The following PTPRD variants were observed in gnomAD, a reference collection of about 807,000 sequenced individuals.
PTPRD encodes the protein protein tyrosine phosphatase receptor type D, also known as receptor-type tyrosine-protein phosphatase delta.
In PTPRD, 34 loss-of-function variants were observed where a neutral mutation model predicts 214.5. That is an observed-to-expected ratio of 0.16 (90% CI 0.12 to 0.21). The LOEUF is 0.21. Among genes scored for constraint, PTPRD ranks in the 10% least tolerant of loss-of-function variants. PTPRD has a pLI of 1.00. For synonymous variants in PTPRD, 1,128 were observed against 845.7 expected, an observed-to-expected ratio of 1.33 and a Z score of -5.79; for missense variants, 2,545 against 2,398.7, an observed-to-expected ratio of 1.06 and a Z score of -1.27.
At chr9:8,330,938 G>C (rs1839960967) in intron 44 of PTPRD, among the ~76,000 whole-genome samples, 1 of 151,840 alleles carries the variant, frequency 6.6e-6, no homozygotes, top group African/African-American at 2.4e-5. Context: ...TTTGTTAGAA[G>C]GTTTTTGCAT....
chr9:9,798,752 G>GCTACTTTTTACTTCATAAAT (rs2099020061), intron 5 of PTPRD, among the ~76,000 whole-genome samples: 2 of 152,146 alleles, frequency 1.3e-5, no homozygotes, highest in South Asian at 4.1e-4. Context: ...TGCTGAGAGC[G>GCTACTTTTTACTTCATAAAT]CAGGTAAAAT....
chr9:8,999,236 T>C (rs2099408428), intron 11 of PTPRD, among the ~76,000 whole-genome samples: 1 of 152,020 alleles, frequency 6.6e-6, no homozygotes, highest in Non-Finnish European at 1.5e-5. Context: ...AGAGAAATCT[T>C]TCATGAAAGG....
intron 5 of PTPRD, among the ~76,000 whole-genome samples, chr9:9,828,825 T>A (rs772332393): frequency 1.3e-5 from 2 of 151,882 alleles, no homozygotes; most frequent in Non-Finnish European, 2.9e-5. Context: ...ATTAAAAGCA[T>A]TTCATGCTAG....
At chr9:9,852,900 T>C (rs973917) in intron 5 of PTPRD, among the ~76,000 whole-genome samples, 39,925 of 152,084 alleles carry the variant, frequency 0.26, 6,409 homozygotes, top group East Asian at 0.81. Flanking sequence ...GTAGGGGCTC[T>C]TGATCTGTGC....
At chr9:8,840,015 CTA>C (rs2154533884) in intron 11 of PTPRD, among the ~76,000 whole-genome samples, 1 of 152,280 alleles carries the variant, frequency 6.6e-6, no homozygotes, top group South Asian at 2.1e-4. Flanking sequence ...AGCAAAAGGA[CTA>C]TAAGCAACAT....
At chr9:9,524,689 T>C (rs899198501) in intron 8 of PTPRD, among the ~76,000 whole-genome samples, 4 of 152,224 alleles carry the variant, frequency 2.6e-5, no homozygotes, top group African/African-American at 9.6e-5. Context: ...ATTTTGTCTT[T>C]ATTGATCCTG....
rs143423756 is a variant in PTPRD at position 9,942,542 on chromosome 9, T to C, written c.-471-3932A>G. 8.9e-3 allele frequency among the ~76,000 whole-genome samples: 1,362 copies of C among 152,236 alleles called. 12 individuals are homozygous for C. Among genetic ancestry groups the C allele is most frequent in the Middle Eastern group, 0.037 (11 of 294 alleles). Reference sequence around the variant, plus strand: ...GTAGGAAGGTCAAGGGGCAAATGAATCTGTAACTATCAGATATAGTGCCCA... The same window carrying C: ...GTAGGAAGGTCAAGGGGCAAATGAACCTGTAACTATCAGATATAGTGCCCA... On this transcript the variant is annotated intron_variant, in intron 4 of 45. Coordinates refer to ENST00000381196, the MANE Select transcript of PTPRD (RefSeq NM_002839.4).
chr9:10,470,945 T>C (rs772775560), intron 2 of PTPRD, among the ~76,000 whole-genome samples: 20 of 152,108 alleles, frequency 1.3e-4, no homozygotes, highest in Non-Finnish European at 2.5e-4. Flanking sequence ...GTGGCACATA[T>C]ACAAGATGGA....
chr9:8,504,166 C>G (rs1418007153), intron 23 of PTPRD, 95 bp downstream of exon 23: 1 of 1,238,136 alleles, frequency 8.1e-7, no homozygotes, highest in Admixed American at 1.8e-5. Context: ...AACTATTAAG[C>G]ATATTAGCAG....
At chr9:10,057,872 G>C (rs2048280) in intron 3 of PTPRD, among the ~76,000 whole-genome samples, 31,943 of 149,860 alleles carry the variant, frequency 0.21, 3,928 homozygotes, top group East Asian at 0.52. Flanking sequence ...CAAAAAAAAA[G>C]TGAGTAGTGG....
intron 11 of PTPRD, among the ~76,000 whole-genome samples, chr9:9,008,495 G>A (rs936803518): frequency 6.6e-6 from 1 of 151,882 alleles, no homozygotes; most frequent in South Asian, 2.1e-4. Flanking sequence ...CAAAGTCCTG[G>A]GATTACAGGC....
chr9:10,271,534 C>CT (rs1251429330), intron 3 of PTPRD, among the ~76,000 whole-genome samples: 23 of 86,562 alleles, frequency 2.7e-4, no homozygotes, highest in South Asian at 7.8e-4. Flanking sequence ...TCAATTGTTT[C>CT]TTTTCTTTTC....
chr9:8,671,716 A>G (rs977221555), intron 12 of PTPRD, among the ~76,000 whole-genome samples: 1 of 152,180 alleles, frequency 6.6e-6, no homozygotes, highest in Non-Finnish European at 1.5e-5. Context: ...ATTATTTTTT[A>G]CACACCTATT....
At chr9:10,047,423 T>C (rs929681507) in intron 3 of PTPRD, among the ~76,000 whole-genome samples, 8 of 151,884 alleles carry the variant, frequency 5.3e-5, no homozygotes, top group Non-Finnish European at 8.8e-5. Context: ...TTGTTAGATA[T>C]ATGTTACAAT....
At chr9:9,756,279 C>G (rs1289910966) in intron 6 of PTPRD, among the ~76,000 whole-genome samples, 1 of 152,100 alleles carries the variant, frequency 6.6e-6, no homozygotes, top group Non-Finnish European at 1.5e-5. Flanking sequence ...TATGGTTTCT[C>G]TCTCAGTATT....
chr9:10,454,293 C>G (rs1280689033), intron 2 of PTPRD, among the ~76,000 whole-genome samples: 1 of 151,608 alleles, frequency 6.6e-6, no homozygotes, highest in Non-Finnish European at 1.5e-5. Context: ...AACTACCCTT[C>G]TCTATTCCTC....
At chr9:10,246,513 G>C (rs547481177) in intron 3 of PTPRD, among the ~76,000 whole-genome samples, 80 of 152,238 alleles carry the variant, frequency 5.3e-4, no homozygotes, top group Middle Eastern at 3.4e-3. Context: ...CAAAGTCCTG[G>C]GGGTGCGGTG....
At chr9:8,581,933 A>G (rs2093177699) in intron 14 of PTPRD, among the ~76,000 whole-genome samples, 1 of 147,144 alleles carries the variant, frequency 6.8e-6, no homozygotes, top group Non-Finnish European at 1.5e-5. Flanking sequence ...AAAAAAAAAA[A>G]AAAAAAAAAG....
intron 9 of PTPRD, among the ~76,000 whole-genome samples, chr9:9,370,319 T>C (rs1416493247): frequency 6.6e-6 from 1 of 152,054 alleles, no homozygotes; most frequent in African/African-American, 2.4e-5. Context: ...CTTGAAGAGG[T>C]CCTTCACATC....
Sources: gnomAD v4.1 joint callset for allele counts (sites outside exome capture counted in the v4.1 genomes callset) on GRCh38, gnomAD v4.1.1 for gene constraint, MANE v1.5 for transcripts, NCBI Gene and HGNC (gene_info 2026-07-23, HGNC 2026-07-21) for gene names.